PDE4B: variants seen among roughly 807,000 people sequenced by gnomAD.
The protein encoded by PDE4B is phosphodiesterase 4B, also known as 3',5'-cyclic-AMP phosphodiesterase 4B.
Under a neutral mutation model 82.2 loss-of-function variants are expected in PDE4B, and 20 were observed. The ratio of observed to expected loss-of-function variants is 0.24; its 90% CI spans 0.17 to 0.35. The LOEUF is 0.35. PDE4B is among the 10% of genes least tolerant of loss of function. PDE4B has a pLI of 1.00. For missense variants in PDE4B, 655 were observed against 907.2 expected (o/e 0.72, Z 3.57); for synonymous variants, 320 against 318.9 (o/e 1.00, Z -0.04).
intron 1 of PDE4B, among the ~76,000 whole-genome samples, chr1:65,839,926 A>T (rs1646187648): frequency 6.6e-6 from 1 of 152,144 alleles, no homozygotes; most frequent in Non-Finnish European, 1.5e-5. Flanking sequence ...CATCCTCTCC[A>T]GCATCTGTTG....
chr1:66,337,125 G>T (rs114999006), intron 8 of PDE4B, among the ~76,000 whole-genome samples: 1 of 152,222 alleles, frequency 6.6e-6, no homozygotes, highest in Non-Finnish European at 1.5e-5. Context: ...GTAGACAGGC[G>T]CTCAGTCCTT....
At chr1:66,084,414 A>G (rs562942336) in intron 3 of PDE4B, among the ~76,000 whole-genome samples, 2 of 152,294 alleles carry the variant, frequency 1.3e-5, no homozygotes, top group South Asian at 2.1e-4. Context: ...GAAATTGAGT[A>G]AAGTCGTGAA....
At chr1:66,189,777 G>A (rs954565091) in intron 3 of PDE4B, among the ~76,000 whole-genome samples, 14 of 151,938 alleles carry the variant, frequency 9.2e-5, no homozygotes, top group Non-Finnish European at 1.2e-4. Context: ...CCATGAGTTC[G>A]AACTTCCTCC....
intron 3 of PDE4B, among the ~76,000 whole-genome samples, chr1:66,241,567 C>T (rs772101951): frequency 1.3e-5 from 2 of 151,866 alleles, no homozygotes; most frequent in South Asian, 2.1e-4. Context: ...AGTGCAGTGG[C>T]GCATCTTGTC....
At chr1:66,128,762 C>G (rs146819958) in intron 3 of PDE4B, among the ~76,000 whole-genome samples, 15 of 152,260 alleles carry the variant, frequency 9.9e-5, no homozygotes, top group African/African-American at 3.6e-4. Context: ...GTCTCACAAT[C>G]ATGGCAGAAG....
chr1:65,941,880 G>A (rs1648464789), intron 3 of PDE4B, among the ~76,000 whole-genome samples: 1 of 151,762 alleles, frequency 6.6e-6, no homozygotes, highest in South Asian at 2.1e-4. Context: ...TTCTTTGACC[G>A]ACATTGCCTC....
chr1:66,196,480 C>A (rs747550672), intron 3 of PDE4B, among the ~76,000 whole-genome samples: 1 of 152,146 alleles, frequency 6.6e-6, no homozygotes, highest in South Asian at 2.1e-4. Flanking sequence ...GGCCTTTAGG[C>A]CAGCACATCT....
intron 1 of PDE4B, among the ~76,000 whole-genome samples, chr1:65,804,386 G>A (rs951643881): frequency 8.5e-5 from 13 of 152,162 alleles, no homozygotes; most frequent in African/African-American, 2.7e-4. Flanking sequence ...AGGAGAGCAC[G>A]TCATACTTTG....
intron 3 of PDE4B, among the ~76,000 whole-genome samples, chr1:66,000,822 T>A (rs1231443830): frequency 2.6e-5 from 4 of 152,184 alleles, no homozygotes; most frequent in Non-Finnish European, 5.9e-5. Context: ...GGATGGAGGA[T>A]AGTGTAGCTT....
intron 3 of PDE4B, among the ~76,000 whole-genome samples, chr1:66,197,028 A>T (rs1183065672): frequency 6.6e-6 from 1 of 152,148 alleles, no homozygotes; most frequent in East Asian, 1.9e-4. Flanking sequence ...TTGGAATGCA[A>T]ACCATACCAA....
chr1:66,026,801 T>A (rs7553522), intron 3 of PDE4B, among the ~76,000 whole-genome samples: 7,096 of 152,314 alleles, frequency 0.047, 231 homozygotes, highest in African/African-American at 0.085. Context: ...GATGAAAGTA[T>A]ATCCTCATAA....
At chr1:65,890,096 T>A (rs903889762) in intron 1 of PDE4B, among the ~76,000 whole-genome samples, 1 of 152,052 alleles carries the variant, frequency 6.6e-6, no homozygotes, top group Non-Finnish European at 1.5e-5. Flanking sequence ...GCTAATCTTA[T>A]AATTACTAGG....
chr1:65,934,783 C>T (rs1351792458), intron 3 of PDE4B, among the ~76,000 whole-genome samples: 1 of 151,988 alleles, frequency 6.6e-6, no homozygotes, highest in Non-Finnish European at 1.5e-5. Flanking sequence ...CAAGGAAGAA[C>T]ATTATATAAT....
At chr1:65,872,385 A>G (rs1034379330) in intron 1 of PDE4B, among the ~76,000 whole-genome samples, 2 of 152,192 alleles carry the variant, frequency 1.3e-5, no homozygotes, top group Non-Finnish European at 2.9e-5. Context: ...TCTTAAAATT[A>G]TGAGTAGATA....
At chr1:66,258,069 G>A (rs775500815) in intron 6 of PDE4B, among the ~76,000 whole-genome samples, 5 of 152,092 alleles carry the variant, frequency 3.3e-5, no homozygotes, top group Admixed American at 6.6e-5. Context: ...GGTCTTATTC[G>A]TCTTTGTACC....
intron 9 of PDE4B, 97 bp downstream of exon 9, chr1:66,355,717 G>A: frequency 3.3e-6 from 2 of 607,588 alleles, no homozygotes; most frequent in Non-Finnish European, 5.8e-6. Flanking sequence ...ATTTGGGATG[G>A]AGTTGAGTCA....
chr1:66,362,043 GA>G (rs1392214878), intron 10 of PDE4B, among the ~76,000 whole-genome samples: 1 of 152,146 alleles, frequency 6.6e-6, no homozygotes, highest in Non-Finnish European at 1.5e-5. Context: ...TAGCCATTAA[GA>G]ATGCCATTGT....
intron 7 of PDE4B, among the ~76,000 whole-genome samples, chr1:66,290,435 A>G (rs1269728678): frequency 1.3e-5 from 2 of 152,322 alleles, no homozygotes; most frequent in African/African-American, 4.8e-5. Context: ...ATCAAAACTG[A>G]GAGAGTCTCA....
chr1:65,886,234 T>C (rs1646774991), intron 1 of PDE4B, among the ~76,000 whole-genome samples: 1 of 152,178 alleles, frequency 6.6e-6, no homozygotes, highest in Non-Finnish European at 1.5e-5. Flanking sequence ...TATTATTTTT[T>C]CATCTTTCAA....
Sources: gnomAD v4.1 joint callset for allele counts (sites outside exome capture counted in the v4.1 genomes callset) on GRCh38, gnomAD v4.1.1 for gene constraint, MANE v1.5 for transcripts, NCBI Gene and HGNC (gene_info 2026-07-23, HGNC 2026-07-21) for gene names.